The following CNTN6 variants were observed in gnomAD, a reference collection of about 807,000 sequenced individuals.
CNTN6 encodes the protein contactin 6, also known as contactin-6.
Under a neutral mutation model 122.8 loss-of-function variants are expected in CNTN6, and 137 were observed. That is an observed-to-expected ratio of 1.12 (90% confidence interval 0.97 to 1.29). CNTN6 has a LOEUF of 1.29. Among genes scored for constraint, CNTN6 ranks in the 50% most tolerant of loss-of-function variants. The pLI, the probability that CNTN6 is intolerant of heterozygous loss-of-function variation, is 0.00. For synonymous variants in CNTN6, 570 were observed against 426.0 expected (o/e 1.34, Z -4.16); for missense variants, 1,634 against 1,223.4 (o/e 1.34, Z -5.01).
At chr3:1,384,666 C>CTATATA (rs539955358) in intron 19 of CNTN6, among the ~76,000 whole-genome samples, 1 of 113,576 alleles carries the variant, frequency 8.8e-6, no homozygotes, top group African/African-American at 3.6e-5. Flanking sequence ...TTAATTTTGC[C>CTATATA]TATATATATA....
chr3:1,304,987 C>CAAAAAAA (rs4065396), intron 7 of CNTN6, among the ~76,000 whole-genome samples: 2 of 103,220 alleles, frequency 1.9e-5, no homozygotes, highest in Non-Finnish European at 3.6e-5. Context: ...GAGACTCTGT[C>CAAAAAAA]AAAAAAAAAA....
intron 1 of CNTN6, among the ~76,000 whole-genome samples, chr3:1,125,472 T>G (rs2092127031): frequency 1.3e-5 from 2 of 151,818 alleles, no homozygotes; most frequent in South Asian, 4.1e-4. Flanking sequence ...GTGCCCAATT[T>G]CTGAAGAAAG....
intron 1 of CNTN6, among the ~76,000 whole-genome samples, chr3:1,123,807 T>C (rs1009807498): frequency 1.3e-5 from 2 of 152,022 alleles, no homozygotes; most frequent in African/African-American, 4.8e-5. Flanking sequence ...TTGAGTATGA[T>C]GTTAGTTGCA....
chr3:1,263,488 G>C (rs906380731), intron 4 of CNTN6, among the ~76,000 whole-genome samples: 1 of 152,078 alleles, frequency 6.6e-6, no homozygotes, highest in Non-Finnish European at 1.5e-5. Context: ...TATTGGAAGC[G>C]AGTTCATTCG....
At chr3:1,389,970 A>G (rs1007761800) in intron 20 of CNTN6, among the ~76,000 whole-genome samples, 2 of 150,478 alleles carry the variant, frequency 1.3e-5, no homozygotes, top group Non-Finnish European at 3.0e-5. Context: ...GGGAGACTTT[A>G]ACAACCCACT....
intron 2 of CNTN6, among the ~76,000 whole-genome samples, chr3:1,177,973 T>C (rs1259675751): frequency 2.0e-5 from 3 of 150,854 alleles, no homozygotes; most frequent in Non-Finnish European, 4.4e-5. Flanking sequence ...CAATCTCCGC[T>C]CACTGCAACC....
intron 12 of CNTN6, among the ~76,000 whole-genome samples, chr3:1,361,675 A>G (rs1352088015): frequency 2.6e-5 from 4 of 152,176 alleles, no homozygotes; most frequent in African/African-American, 9.6e-5. Context: ...AAAGGAGAAT[A>G]ATCTGTCTTA....
At chr3:1,388,236 T>C (rs886659187) in intron 20 of CNTN6, among the ~76,000 whole-genome samples, 2 of 149,282 alleles carry the variant, frequency 1.3e-5, no homozygotes, top group Non-Finnish European at 3.0e-5. Context: ...CACTGCCTCC[T>C]CAAGTGGGTC....
chr3:1,119,230 G>A (rs1161630426), intron 1 of CNTN6, among the ~76,000 whole-genome samples: 2 of 150,276 alleles, frequency 1.3e-5, no homozygotes, highest in East Asian at 3.9e-4. Flanking sequence ...GGTCATAATA[G>A]GACTATAATT....
rs552028974 is a variant in CNTN6 at position 1,344,943 on chromosome 3, C to A, written c.1365-7381C>A. On this transcript the variant is annotated intron_variant, in intron 11 of 22. Transcript: ENST00000446702. ...TCCCTCGATCATGTCTCTCTTGAGA[C>A]AGTACTTCATTTTCACTTCATCTCT... Among the ~76,000 whole-genome samples the A allele has an allele frequency of 3.9e-5, 6 of 152,160 alleles. No individual in the cohort carries two copies. In the South Asian group the frequency reaches 1.2e-3, roughly 32 times the overall value.
chr3:1,168,585 A>G (rs2093303516), intron 2 of CNTN6, among the ~76,000 whole-genome samples: 5 of 151,666 alleles, frequency 3.3e-5, no homozygotes, highest in Admixed American at 3.3e-4. Context: ...TTATCTTGGG[A>G]GTGTTGAATG....
intron 4 of CNTN6, among the ~76,000 whole-genome samples, chr3:1,244,392 C>T (rs1278159775): frequency 6.8e-6 from 1 of 147,204 alleles, no homozygotes; most frequent in African/African-American, 2.5e-5. Context: ...TGGCCCTGCC[C>T]CAGGAAAGCG....
At chr3:1,333,949 A>G (rs1337487077) in intron 11 of CNTN6, among the ~76,000 whole-genome samples, 1 of 152,072 alleles carries the variant, frequency 6.6e-6, no homozygotes, top group Non-Finnish European at 1.5e-5. Context: ...GATTCAACGT[A>G]ATTTGATGTG....
chr3:1,158,925 T>TACAC (rs2093054020), intron 2 of CNTN6, among the ~76,000 whole-genome samples: 2 of 117,274 alleles, frequency 1.7e-5, no homozygotes, highest in Admixed American at 9.1e-5. Context: ...CACACATATA[T>TACAC]ATATATACAC....
rs569659085 is a variant in CNTN6, at chr3:1,289,037, C to G, written c.455-6564C>G. ...GACTCATCACAGGGAAAATGCATCACAACCGTTAATAACCGATAAATGTCA... is the reference window on the plus strand; with the variant it reads ...GACTCATCACAGGGAAAATGCATCAGAACCGTTAATAACCGATAAATGTCA... On this transcript the variant is annotated intron_variant, in intron 5 of 22. Transcript: ENST00000446702. Among the ~76,000 whole-genome samples, 5 of 152,312 alleles carry G rather than the reference C, an allele frequency of 3.3e-5. No homozygotes were observed. In the East Asian group the frequency reaches 9.6e-4, roughly 29 times the overall value.
chr3:1,258,033 T>C (rs2094787810), intron 4 of CNTN6, among the ~76,000 whole-genome samples: 1 of 152,148 alleles, frequency 6.6e-6, no homozygotes, highest in Non-Finnish European at 1.5e-5. Flanking sequence ...TTGCCCCCTC[T>C]GCATTTCCTA....
chr3:1,297,815 G>C, intron 6 of CNTN6, 74 bp from the exon 7 acceptor site: 1 of 1,106,576 alleles, frequency 9.0e-7, no homozygotes, highest in South Asian at 1.3e-5. Context: ...ATCAGGTTTT[G>C]GTTAATGAAG....
intron 6 of CNTN6, 42 bp downstream of exon 6, chr3:1,295,846 C>A: frequency 6.5e-7 from 1 of 1,549,062 alleles, no homozygotes; most frequent in Non-Finnish European, 8.9e-7. Context: ...TTATCTTTGG[C>A]CCTTAAAGCC....
chr3:1,215,029 G>A (rs1204865288), intron 2 of CNTN6, among the ~76,000 whole-genome samples: 2 of 152,170 alleles, frequency 1.3e-5, no homozygotes, highest in African/African-American at 4.8e-5. Flanking sequence ...AAAGTGCAGG[G>A]ATTACAGGCA....
Sources: allele counts gnomAD v4.1 joint callset (sites outside exome capture counted in the v4.1 genomes callset), GRCh38; gene constraint gnomAD v4.1.1; transcripts MANE v1.5; gene names NCBI Gene and HGNC (gene_info 2026-07-23, HGNC 2026-07-21).